ATG7: variants seen among roughly 807,000 people sequenced by gnomAD.
The protein encoded by ATG7 is autophagy related 7.
A neutral mutation model predicts 82.4 loss-of-function variants in ATG7; 70 were observed. That is an observed-to-expected ratio of 0.85 (90% CI 0.70 to 1.04). The LOEUF is 1.04. Ranked by LOEUF, ATG7 falls within the 50% of genes least tolerant of loss-of-function variation. The pLI, the probability that ATG7 is intolerant of heterozygous loss-of-function variation, is 0.00. For synonymous variants in ATG7, 287 were observed against 313.0 expected, an observed-to-expected ratio of 0.92 and a Z score of 0.88; for missense variants, 792 against 864.3, an observed-to-expected ratio of 0.92 and a Z score of 1.05.
intron 20 of ATG7, among the ~76,000 whole-genome samples, chr3:11,515,367 G>A (rs544877690): frequency 2.6e-5 from 4 of 151,942 alleles, no homozygotes; most frequent in East Asian, 2.0e-4. Flanking sequence ...GCAGTGGCAC[G>A]ATCTTGGCTC....
intron 19 of ATG7, among the ~76,000 whole-genome samples, chr3:11,412,278 T>A (rs918673574): frequency 1.2e-4 from 16 of 137,258 alleles, no homozygotes; most frequent in Non-Finnish European, 2.4e-4. Flanking sequence ...TTTTTTTTTT[T>A]AGTAGGCCTG....
chr3:11,392,702 G>A (rs1190980348), intron 19 of ATG7, among the ~76,000 whole-genome samples: 48 of 152,034 alleles, frequency 3.2e-4, no homozygotes, highest in Admixed American at 2.6e-3. Context: ...ATAATATTCC[G>A]GCTTTGAGGT....
intron 19 of ATG7, among the ~76,000 whole-genome samples, chr3:11,418,431 CT>C (rs1234578131): frequency 1.3e-5 from 2 of 152,118 alleles, no homozygotes; most frequent in Non-Finnish European, 2.9e-5. Context: ...TTCAATATGG[CT>C]TCTTTTATCT....
chr3:11,344,844 G>C (rs911256046), intron 13 of ATG7, among the ~76,000 whole-genome samples: 3 of 152,148 alleles, frequency 2.0e-5, no homozygotes, highest in African/African-American at 7.2e-5. Flanking sequence ...TCTCCAGCCT[G>C]CGTGATAAAG....
At chr3:11,451,150 G>A (rs1417277508) in intron 20 of ATG7, among the ~76,000 whole-genome samples, 3 of 151,518 alleles carry the variant, frequency 2.0e-5, no homozygotes, top group African/African-American at 7.3e-5. Context: ...TACCAAGGAG[G>A]GTATCTTTTG....
chr3:11,543,175 G>A (rs1184966120), intron 20 of ATG7, among the ~76,000 whole-genome samples: 2 of 152,110 alleles, frequency 1.3e-5, no homozygotes, highest in East Asian at 1.9e-4. Flanking sequence ...CTGGCTGCCC[G>A]ATGTTCCTTG....
chr3:11,488,881 C>G (rs908028720), intron 20 of ATG7, among the ~76,000 whole-genome samples: 1 of 152,176 alleles, frequency 6.6e-6, no homozygotes, highest in Non-Finnish European at 1.5e-5. Context: ...GGTTGTGTCT[C>G]TGCCAGGCTT....
chr3:11,504,041 T>C lies in ATG7; in HGVS notation c.2080-50770T>C, dbSNP rs551849614. On this transcript the variant is annotated intron_variant, in intron 20 of 20. Transcript: ENST00000693202. The stretch of plus-strand genomic sequence containing the variant: ...GTTACCCACAATTGAGAGAAACAAA[T>C]GTCTCCATTGAGAGAGTCTACCAAC... 1.3e-3 allele frequency among the ~76,000 whole-genome samples: 199 copies of C among 152,208 alleles called. 1 individual carries two copies. The highest frequency in any genetic ancestry group is 2.5e-3 in the Non-Finnish European group (172 of 68,012).
At chr3:11,390,840 A>C (rs2078744710) in intron 19 of ATG7, among the ~76,000 whole-genome samples, 1 of 152,238 alleles carries the variant, frequency 6.6e-6, no homozygotes, top group Admixed American at 6.5e-5. Flanking sequence ...AAAGTATCCT[A>C]TCTTTTGAGC....
chr3:11,493,597 G>T lies in ATG7; in HGVS notation c.2080-61214G>T, dbSNP rs147486590. Among the ~76,000 whole-genome samples, 95 of 152,256 alleles carry T rather than the reference G, an allele frequency of 6.2e-4. 1 individual carries two copies. Among genetic ancestry groups the T allele is most frequent in the African/African-American group, 2.2e-3 (92 of 41,546 alleles). On this transcript the variant is annotated intron_variant, in intron 20 of 20. Transcript: ENST00000693202. ...CTCTGCCTTCTGCCTCCCTCAATGG[G>T]TGATGCTAAACCAGGATGAGTAGTA...
At chr3:11,459,343 TG>T (rs2086081079) in intron 20 of ATG7, among the ~76,000 whole-genome samples, 1 of 152,196 alleles carries the variant, frequency 6.6e-6, no homozygotes, top group Non-Finnish European at 1.5e-5. Flanking sequence ...ACATATGTCT[TG>T]GCTGACATTC....
chr3:11,399,399 T>A (rs995124327), intron 19 of ATG7, among the ~76,000 whole-genome samples: 1 of 152,078 alleles, frequency 6.6e-6, no homozygotes, highest in African/African-American at 2.4e-5. Context: ...TATAGTTCAA[T>A]GTTAAAAAAC....
At chr3:11,291,222 T>G (rs1944935713) in intron 3 of ATG7, among the ~76,000 whole-genome samples, 1 of 152,384 alleles carries the variant, frequency 6.6e-6, no homozygotes, top group Middle Eastern at 3.4e-3. Flanking sequence ...GGATTTTAGA[T>G]GAAATCCTTT....
intron 15 of ATG7, among the ~76,000 whole-genome samples, chr3:11,360,327 A>G (rs1239574152): frequency 6.6e-6 from 1 of 152,168 alleles, no homozygotes; most frequent in Non-Finnish European, 1.5e-5. Flanking sequence ...ATTACAGGTT[A>G]TGAGCCACTA....
At chr3:11,385,755 A>C (rs2078274536) in intron 19 of ATG7, among the ~76,000 whole-genome samples, 1 of 152,356 alleles carries the variant, frequency 6.6e-6, no homozygotes, top group South Asian at 2.1e-4. Context: ...GGGAGAGAAC[A>C]CAAGGAATTC....
chr3:11,332,761 T>C, intron 10 of ATG7: 3 of 379,476 alleles, frequency 7.9e-6, no homozygotes, highest in Non-Finnish European at 1.3e-5. Flanking sequence ...TCACAGCCAA[T>C]TCATTTTTCA....
chr3:11,534,087 G>A (rs1280959549), intron 20 of ATG7, among the ~76,000 whole-genome samples: 1 of 152,180 alleles, frequency 6.6e-6, no homozygotes, highest in African/African-American at 2.4e-5. Flanking sequence ...TCCCCCCCCA[G>A]GGGAAAGCTG....
chr3:11,291,972 T>C (rs11914451), intron 3 of ATG7, among the ~76,000 whole-genome samples: 2,354 of 152,320 alleles, frequency 0.015, 59 homozygotes, highest in African/African-American at 0.053. Flanking sequence ...GGGAGCCACC[T>C]GTGCAGATCA....
chr3:11,451,259 T>C (rs922875816), intron 20 of ATG7, among the ~76,000 whole-genome samples: 1 of 150,396 alleles, frequency 6.6e-6, no homozygotes, highest in African/African-American at 2.5e-5. Flanking sequence ...TCACCCAGGC[T>C]GGAGTGTAGT....
Sources: allele counts gnomAD v4.1 joint callset (sites outside exome capture counted in the v4.1 genomes callset), GRCh38; gene constraint gnomAD v4.1.1; transcripts MANE v1.5; gene names NCBI Gene and HGNC (gene_info 2026-07-23, HGNC 2026-07-21).